Variants in CRISP2 observed in about 807,000 individuals in gnomAD.
The protein encoded by CRISP2 is cysteine-rich secretory protein 2.
In CRISP2, 29 loss-of-function variants were observed where a neutral mutation model predicts 31.7. That is an observed-to-expected ratio of 0.92 (90% CI 0.68 to 1.25). The LOEUF is 1.25. CRISP2 is among the 50% of genes most tolerant of loss of function. The pLI is 0.00. For missense variants in CRISP2, 318 were observed against 286.5 expected, an observed-to-expected ratio of 1.11 and a Z score of -0.79; for synonymous variants, 111 against 101.4, an observed-to-expected ratio of 1.09 and a Z score of -0.57.
downstream of CRISP2, among the ~76,000 whole-genome samples, chr6:49,692,105 G>C (rs1259151267): frequency 1.3e-5 from 2 of 152,034 alleles, no homozygotes; most frequent in Non-Finnish European, 2.9e-5. Context: ...AACTAAACCA[G>C]TAGGGAGATC....
chr6:49,688,065 T>C (rs146107028), downstream of CRISP2, among the ~76,000 whole-genome samples: 66 of 152,340 alleles, frequency 4.3e-4, no homozygotes, highest in African/African-American at 1.5e-3. Context: ...CACTGGGCCA[T>C]AGCTTGTTGC....
Position 49,692,551 on chromosome 6 carries a change from T to C in CRISP2, c.*222A>G. On this transcript the variant is annotated 3_prime_UTR_variant, in exon 10 of 10. Transcript: ENST00000339139. ...ATCCTCAACCTGATTCAGTTCGTTA[T>C]AAAGCACTAAATTTATGTCAGAGTT... The C allele has an allele frequency of 2.4e-6, 1 of 420,080 alleles. No homozygotes were observed. The highest frequency in any genetic ancestry group is 4.3e-6 in the Non-Finnish European group (1 of 232,576). The allele number at this position is 420,080 out of a possible 1,614,324, so 26.0% of individuals were successfully genotyped here.
chr6:49,701,645 T>TA (rs1432314586), intron 4 of CRISP2, among the ~76,000 whole-genome samples: 34 of 126,564 alleles, frequency 2.7e-4, no homozygotes, highest in Non-Finnish European at 5.1e-4. Flanking sequence ...ATACATTATA[T>TA]ATGTATACAT....
At chr6:49,687,884 C>T (rs1016709126), downstream of CRISP2, among the ~76,000 whole-genome samples, 2 of 152,116 alleles carry the variant, frequency 1.3e-5, no homozygotes, top group African/African-American at 4.8e-5. Flanking sequence ...GGACAGTTAC[C>T]CCTCCCCTGA....
At chr6:49,687,021 G>A in the CRISP2 span, among the ~76,000 whole-genome samples, 2 of 151,996 alleles carry the variant, frequency 1.3e-5, no homozygotes, top group African/African-American at 4.8e-5. Context: ...CATGGATACA[G>A]GAGGGGAACA....
chr6:49,684,772 T>C, the CRISP2 span, among the ~76,000 whole-genome samples: 1 of 152,208 alleles, frequency 6.6e-6, no homozygotes. Context: ...TGTTTTTATA[T>C]GTGGATGTGT....
rs1330618944 is a variant in CRISP2 at position 49,699,857 on chromosome 6, C to A, written c.218G>T (p.Arg73Met). The A allele has an allele frequency of 6.2e-6, 10 of 1,612,552 alleles. No homozygotes were observed. The highest frequency in any genetic ancestry group is 8.5e-6 in the Non-Finnish European group (10 of 1,179,192). The change falls in exon 6 of 10, where the codon AGG becomes ATG. Residue 73 changes from arginine to methionine, a missense_variant. Coordinates refer to ENST00000339139, the MANE Select transcript of CRISP2 (RefSeq NM_003296.4). ...WSREVTTNAQ[R>M]WANKCTLQHS... is the part of the protein sequence containing the mutation. ...TTGTAAAGTGCACTTGTTTGCCCAC[C>A]TTTGGGCATTCGTTGTTACCTCTCT...
At chr6:49,679,769 G>T in the CRISP2 span, among the ~76,000 whole-genome samples, 2 of 151,790 alleles carry the variant, frequency 1.3e-5, no homozygotes. Context: ...GCAGTGGCAC[G>T]ATCTTGGCTC....
At chr6:49,696,059 C>A in intron 8 of CRISP2, 135 bp from the exon 9 acceptor site, 1 of 541,900 alleles carries the variant, frequency 1.8e-6, no homozygotes, top group Non-Finnish European at 3.3e-6. Flanking sequence ...TTACAATTCC[C>A]AATGTGTATT....
rs140377338 is a variant in CRISP2 at position 49,695,689 on chromosome 6, T to C, written c.604+147A>G. 874 of 611,736 alleles carry C rather than the reference T, an allele frequency of 1.4e-3. 2 individuals are homozygous for C. Among genetic ancestry groups the C allele is most frequent in the Middle Eastern group, 9.6e-3 (22 of 2,284 alleles). 37.9% of individuals were successfully genotyped at this position (611,736 alleles called of 1,614,324 possible). On this transcript the variant is annotated intron_variant, in intron 9 of 9. Coordinates refer to ENST00000339139, the MANE Select transcript of CRISP2 (RefSeq NM_003296.4). ...GCTCCTGCAGTGTGTAAAATGTTTG[T>C]TTAAGCATACTTTGTTGAATAATTT...
At chr6:49,688,961 C>CG (rs1228257340), downstream of CRISP2, among the ~76,000 whole-genome samples, 1 of 151,954 alleles carries the variant, frequency 6.6e-6, no homozygotes, top group Non-Finnish European at 1.5e-5. Flanking sequence ...CTCCACCTCC[C>CG]GGGTTCAAGC....
At position 49,692,391 on chromosome 6, in the gene CRISP2, C is replaced by T. The variant is rs189818348; in HGVS notation, c.*382G>A. 5.5e-4 allele frequency: 86 copies of T among 156,510 alleles called. No individual in the cohort carries two copies. In the East Asian group the frequency reaches 0.016, roughly 29 times the overall value. The allele number at this position is 156,510 out of a possible 1,614,324, so 9.7% of individuals were successfully genotyped here. A position where few individuals can be genotyped will look rare whatever the true frequency, so the allele number is the denominator to read the frequency against. ...TAAAGCTTTGAATTTATTGTTTATG[C>T]AAGTAAAAACTCAGGTAGTAGGAAT... On this transcript the variant is annotated 3_prime_UTR_variant, in exon 10 of 10. Transcript: ENST00000339139.
chr6:49,678,580 G>A, the CRISP2 span, among the ~76,000 whole-genome samples: 3 of 152,048 alleles, frequency 2.0e-5, no homozygotes, highest in Non-Finnish European at 4.4e-5. Flanking sequence ...TTTCTCCGGT[G>A]GGATTGGGAT....
At chr6:49,713,017 T>A (rs1274675175) in intron 1 of CRISP2, among the ~76,000 whole-genome samples, 1 of 152,192 alleles carries the variant, frequency 6.6e-6, no homozygotes, top group Non-Finnish European at 1.5e-5. Flanking sequence ...TCTTCATTTT[T>A]TTTTTAAATT....
rs762980390 is a variant in CRISP2, at chr6:49,698,458, C to T, written c.321G>A (p.Trp107Ter). 1 of 1,613,238 alleles carries T rather than the reference C, an allele frequency of 6.2e-7. No homozygotes were observed. The highest frequency in any genetic ancestry group is 8.5e-7 in the Non-Finnish European group (1 of 1,179,562). The change falls in exon 7 of 10, where the codon TGG (tryptophan) becomes TGA (stop). Residue 107 changes from tryptophan (W) to a stop codon, truncating the protein, a stop_gained. Coordinates refer to ENST00000339139, the MANE Select transcript of CRISP2 (RefSeq NM_003296.4). LOFTEE classifies it high-confidence loss of function. Reference protein sequence around the residue: ...NLYMSSDPTSWSSAIQSWYDE... With the variant: ...NLYMSSDPTS ...CATACCAGCTTTGGATTGCAGAAGA[C>T]CAGGAAGTAGGGTCACTTGACATAT...
chr6:49,685,052 G>T, the CRISP2 span, among the ~76,000 whole-genome samples: 10 of 152,134 alleles, frequency 6.6e-5, no homozygotes, highest in African/African-American at 1.7e-4. Context: ...ATAGTTCCAG[G>T]TCTCACAAAT....
chr6:49,705,470 G>C (rs1766861101), intron 4 of CRISP2, among the ~76,000 whole-genome samples: 1 of 152,130 alleles, frequency 6.6e-6, no homozygotes, highest in Non-Finnish European at 1.5e-5. Flanking sequence ...AGGGCTTTCA[G>C]GCCTTTCCCC....
In CRISP2 at chr6:49,699,872, G is replaced by A; in HGVS notation, c.203C>T (p.Thr68Ile). Reference protein sequence around the residue: ...MLKMEWSREVTTNAQRWANKC... With the variant: ...MLKMEWSREVITNAQRWANKC... ...GTTTGCCCACCTTTGGGCATTCGTT[G>A]TTACCTCTCTGCTCCATTCCTAAAC... is the stretch of plus-strand genomic sequence containing the variant. The change falls in exon 6 of 10, where the codon ACA (threonine) becomes ATA (isoleucine). Residue 68 changes from threonine to isoleucine, a missense_variant. By Grantham distance (89) the Thr-to-Ile change is moderately conservative (BLOSUM62 -1). Transcript: ENST00000339139. 9 of 1,612,592 alleles carry A rather than the reference G, an allele frequency of 5.6e-6. No homozygotes were observed. The highest frequency in any genetic ancestry group is 6.8e-6 in the Non-Finnish European group (8 of 1,179,156).
intron 1 of CRISP2, among the ~76,000 whole-genome samples, 188 bp from the exon 2 acceptor site, chr6:49,712,792 C>T (rs963994025): frequency 6.6e-6 from 1 of 152,162 alleles, no homozygotes; most frequent in Non-Finnish European, 1.5e-5. Flanking sequence ...TGTATTTCAA[C>T]GCCCTGATAT....
Sources: allele counts gnomAD v4.1 joint callset (sites outside exome capture counted in the v4.1 genomes callset), GRCh38; gene constraint gnomAD v4.1.1; transcripts MANE v1.5; gene names NCBI Gene and HGNC (gene_info 2026-07-23, HGNC 2026-07-21).